SLCO5A1: variants seen among roughly 807,000 people sequenced by gnomAD.
SLCO5A1 encodes the protein solute carrier organic anion transporter family member 5A1.
SLCO5A1 carries 39 observed loss-of-function variants against 65.1 expected under a neutral mutation model. The observed-to-expected ratio is 0.60, with a 90% confidence interval of 0.46 to 0.78. The LOEUF (loss-of-function observed/expected upper bound fraction) is 0.78. Among genes scored for constraint, SLCO5A1 ranks in the 30% least tolerant of loss-of-function variants. The probability of loss-of-function intolerance (pLI) is 0.00; values close to 1 mark genes in which losing one functional copy is unlikely to be tolerated. For synonymous variants in SLCO5A1, 438 were observed against 415.7 expected, an observed-to-expected ratio of 1.05 and a Z score of -0.65; for missense variants, 1,029 against 1,069.4, an observed-to-expected ratio of 0.96 and a Z score of 0.53.
intron 5 of SLCO5A1, among the ~76,000 whole-genome samples, chr8:69,718,338 T>G (rs1815653199): frequency 6.6e-6 from 1 of 152,226 alleles, no homozygotes; most frequent in Non-Finnish European, 1.5e-5. Context: ...TCTGTAAATA[T>G]AAATAGCTTT....
chr8:69,727,933 T>C (rs979604330), intron 5 of SLCO5A1, among the ~76,000 whole-genome samples: 24 of 152,162 alleles, frequency 1.6e-4, no homozygotes, highest in African/African-American at 5.6e-4. Context: ...TGCTGGGCAA[T>C]CAGATAGTTT....
intron 2 of SLCO5A1, among the ~76,000 whole-genome samples, chr8:69,772,530 A>G (rs1315642960): frequency 1.3e-5 from 2 of 149,500 alleles, no homozygotes; most frequent in African/African-American, 2.5e-5. Context: ...AGAAAAAAGA[A>G]AAGAAAAAAA....
intron 2 of SLCO5A1, among the ~76,000 whole-genome samples, chr8:69,762,187 T>TTTCTTTCA (rs1491190927): frequency 2.4e-5 from 2 of 82,482 alleles, no homozygotes; most frequent in East Asian, 9.1e-4. Flanking sequence ...TCTTTCTTTC[T>TTTCTTTCA]TTCTTTCTTT....
At chr8:69,805,483 T>C (rs1020767238) in intron 2 of SLCO5A1, among the ~76,000 whole-genome samples, 2 of 152,282 alleles carry the variant, frequency 1.3e-5, no homozygotes, top group South Asian at 4.1e-4. Context: ...CTCAATTACA[T>C]TAAATATATT....
chr8:69,834,829 G>C (rs1345134525), intron 1 of SLCO5A1, 25 bp downstream of exon 1: 1 of 153,242 alleles, frequency 6.5e-6, no homozygotes, highest in Non-Finnish European at 1.4e-5. Flanking sequence ...CGCGCTGCCC[G>C]GGCGCTCAAG....
intron 2 of SLCO5A1, among the ~76,000 whole-genome samples, chr8:69,788,684 T>G (rs1048601127): frequency 6.6e-6 from 1 of 152,172 alleles, no homozygotes; most frequent in African/African-American, 2.4e-5. Flanking sequence ...ATACATATAA[T>G]TATCATTTTT....
At chr8:69,809,487 T>C (rs1379668900) in intron 2 of SLCO5A1, among the ~76,000 whole-genome samples, 1 of 152,128 alleles carries the variant, frequency 6.6e-6, no homozygotes, top group Non-Finnish European at 1.5e-5. Context: ...GAAGGACAAG[T>C]AAGTCATTAG....
At chr8:69,747,657 G>T (rs1182369697) in intron 4 of SLCO5A1, among the ~76,000 whole-genome samples, 1 of 152,160 alleles carries the variant, frequency 6.6e-6, no homozygotes, top group African/African-American at 2.4e-5. Context: ...ATCCACCAAG[G>T]AGTTCTGGAA....
At chr8:69,784,810 A>AG (rs1491193998) in intron 2 of SLCO5A1, among the ~76,000 whole-genome samples, 7 of 52,284 alleles carry the variant, frequency 1.3e-4, no homozygotes, top group Admixed American at 4.5e-4. Flanking sequence ...AGAAAGAAAG[A>AG]AAAAGAAAGA....
intron 5 of SLCO5A1, among the ~76,000 whole-genome samples, chr8:69,733,631 G>C (rs1017103368): frequency 6.6e-6 from 1 of 152,152 alleles, no homozygotes; most frequent in South Asian, 2.1e-4. Flanking sequence ...TGATCGTGGT[G>C]GTGGTTCCCC....
At chr8:69,721,890 A>C (rs1191579417) in intron 5 of SLCO5A1, among the ~76,000 whole-genome samples, 1 of 152,120 alleles carries the variant, frequency 6.6e-6, no homozygotes, top group Non-Finnish European at 1.5e-5. Context: ...TGTATTTATA[A>C]GCCAGGCACG....
At chr8:69,767,014 T>A (rs1184746009) in intron 2 of SLCO5A1, among the ~76,000 whole-genome samples, 1 of 152,246 alleles carries the variant, frequency 6.6e-6, no homozygotes, top group African/African-American at 2.4e-5. Flanking sequence ...ACAGCAGATA[T>A]CAACCCATAT....
intron 5 of SLCO5A1, among the ~76,000 whole-genome samples, chr8:69,732,695 C>G (rs1816385572): frequency 6.6e-6 from 1 of 152,024 alleles, no homozygotes; most frequent in Non-Finnish European, 1.5e-5. Context: ...TTGAGACCAG[C>G]CTGGCCAACA....
chr8:69,815,123 AT>A (rs1820350195), intron 2 of SLCO5A1, among the ~76,000 whole-genome samples: 1 of 152,180 alleles, frequency 6.6e-6, no homozygotes, highest in South Asian at 2.1e-4. Flanking sequence ...AGTGTGGTAC[AT>A]TTCACAATTG....
intron 2 of SLCO5A1, among the ~76,000 whole-genome samples, chr8:69,803,729 A>T (rs1157746936): frequency 6.6e-6 from 1 of 151,922 alleles, no homozygotes; most frequent in Admixed American, 6.6e-5. Context: ...TGCCTCACAC[A>T]TGTAATCCCA....
intron 5 of SLCO5A1, among the ~76,000 whole-genome samples, chr8:69,728,685 AATT>A (rs1816200352): frequency 6.6e-6 from 1 of 151,848 alleles, no homozygotes; most frequent in Non-Finnish European, 1.5e-5. Context: ...ATTGGTTTGA[AATT>A]ATTATACATA....
intron 8 of SLCO5A1, among the ~76,000 whole-genome samples, chr8:69,677,794 T>C (rs957839953): frequency 1.3e-5 from 2 of 152,214 alleles, no homozygotes; most frequent in African/African-American, 4.8e-5. Flanking sequence ...TGCTAAGCAA[T>C]GACATCTCAG....
intron 7 of SLCO5A1, among the ~76,000 whole-genome samples, chr8:69,680,946 AG>A (rs1223355408): frequency 3.9e-5 from 6 of 152,210 alleles, no homozygotes; most frequent in African/African-American, 1.4e-4. Context: ...CATAAGAAAA[AG>A]TATGAAGATG....
chr8:69,762,615 A>G (rs1438992280), intron 2 of SLCO5A1, among the ~76,000 whole-genome samples: 2 of 152,044 alleles, frequency 1.3e-5, no homozygotes, highest in Non-Finnish European at 2.9e-5. Flanking sequence ...TATGTCTAAG[A>G]TAAGGAAAAA....
Sources: allele counts gnomAD v4.1 joint callset (sites outside exome capture counted in the v4.1 genomes callset), GRCh38; gene constraint gnomAD v4.1.1; transcripts MANE v1.5; gene names NCBI Gene and HGNC (gene_info 2026-07-23, HGNC 2026-07-21).